Variants in PGAP6 observed in about 807,000 individuals in gnomAD.
PGAP6 encodes the protein post-GPI attachment to proteins 6.
PGAP6 carries 62 observed loss-of-function variants against 68.4 expected under a neutral mutation model. The observed-to-expected ratio is 0.91, with a 90% CI of 0.74 to 1.12. PGAP6 has a LOEUF of 1.12. PGAP6 is among the 50% of genes most tolerant of loss of function. The probability of loss-of-function intolerance (pLI) is 0.00; values close to 1 mark genes in which losing one functional copy is unlikely to be tolerated. For missense variants in PGAP6, 1,188 were observed against 1,068.5 expected, an observed-to-expected ratio of 1.11 and a Z score of -1.56; for synonymous variants, 575 against 474.0, an observed-to-expected ratio of 1.21 and a Z score of -2.77.
At chr16:380,362 TTC>T (rs1026734380) in intron 1 of PGAP6, among the ~76,000 whole-genome samples, 3 of 149,720 alleles carry the variant, frequency 2.0e-5, no homozygotes, top group Non-Finnish European at 4.4e-5. Context: ...TTTTTTTTCT[TTC>T]TGTCTTTCTT....
rs1555491182 is a variant in PGAP6 at position 375,147 on chromosome 16, G to A, written c.1425C>T (p.Cys475=). The A allele has an allele frequency of 3.1e-6, 5 of 1,613,246 alleles. No individual in the cohort carries two copies. Among genetic ancestry groups the A allele is most frequent in the African/African-American group, 1.3e-5 (1 of 74,924 alleles). ...DNWYLSLQLM[C]PENAEDCEQA... ...GGTTTACTTACTCAGCATTCTCAGG[G>A]CACATGAGCTGCAGGGAGAGGTACC... The change falls in exon 8 of 13, where the codon TGC becomes TGT. Residue 475 remains cysteine, a synonymous_variant. Coordinates refer to ENST00000431232, the MANE Select transcript of PGAP6 (RefSeq NM_021259.3).
At chr16:383,964 C>G (rs1040222338), upstream of PGAP6, among the ~76,000 whole-genome samples, 1 of 152,198 alleles carries the variant, frequency 6.6e-6, no homozygotes, top group African/African-American at 2.4e-5. Flanking sequence ...CTTAAAGAGA[C>G]CCTTTGTTTC....
chr16:386,160 C>T (rs2054483725), upstream of PGAP6, among the ~76,000 whole-genome samples: 1 of 151,950 alleles, frequency 6.6e-6, no homozygotes, highest in African/African-American at 2.4e-5. Flanking sequence ...AGCAGCTTTC[C>T]ACAGTCGGTG....
In PGAP6 at chr16:374,853, CA is replaced by C; in HGVS notation, c.1478del (p.Leu493CysfsTer7). 1 of 1,612,998 alleles carries C rather than the reference CA, an allele frequency of 6.2e-7. No homozygotes were observed. The highest frequency in any genetic ancestry group is 8.5e-7 in the Non-Finnish European group (1 of 1,179,966). ...EQAVVHVETT[L>X]YLVPCLNDCG... ...AATCGTTCAAACAGGGCACCAGGTACAAGGTGGTCTCCACGTGGACCACAGC... is the reference window on the plus strand; with the variant it reads ...AATCGTTCAAACAGGGCACCAGGTACAGGTGGTCTCCACGTGGACCACAGC... On this transcript the variant is annotated frameshift_variant, in exon 9 of 13. Coordinates refer to ENST00000431232, the MANE Select transcript of PGAP6 (RefSeq NM_021259.3). LOFTEE classifies it high-confidence loss of function.
intron 1 of PGAP6, among the ~76,000 whole-genome samples, chr16:378,189 C>CACTGCCATCCCCACCCTG (rs2054404340): frequency 1.4e-5 from 2 of 147,092 alleles, no homozygotes; most frequent in South Asian, 4.3e-4. Flanking sequence ...TCCCCACCCG[C>CACTGCCATCCCCACCCTG]ACTGCCATCG....
At chr16:383,336 G>A (rs928593708), upstream of PGAP6, 3 of 152,234 alleles carry the variant, frequency 2.0e-5, no homozygotes, top group East Asian at 1.9e-4. Flanking sequence ...CAGAGGATGT[G>A]GGAGCCTCGT....
rs1425025758 is a variant in PGAP6, at chr16:381,019, G to C, written c.121+682C>G. On this transcript the variant is annotated intron_variant, in intron 1 of 12. Transcript: ENST00000431232. ...ACACCCACGTCCCTACCCCGTGGAA[G>C]GGCTACGCCTTCTCCCTGGTCCAGC... 3.3e-5 allele frequency among the ~76,000 whole-genome samples: 5 copies of C among 152,366 alleles called. No individual in the cohort carries two copies. In the East Asian group the frequency reaches 7.7e-4, roughly 24 times the overall value.
At chr16:386,492 C>A (rs2054485572), upstream of PGAP6, among the ~76,000 whole-genome samples, 1 of 152,090 alleles carries the variant, frequency 6.6e-6, no homozygotes, top group African/African-American at 2.4e-5. Flanking sequence ...TGTGGTCAGG[C>A]AGGAGGAGTG....
chr16:375,074 G>A, intron 8 of PGAP6, 59 bp downstream of exon 8: 1 of 1,599,530 alleles, frequency 6.3e-7, no homozygotes, highest in Non-Finnish European at 8.5e-7. Context: ...AGCCCGGCCT[G>A]TGGTCCTGAG....
At chr16:372,558 G>T in intron 12 of PGAP6, 53 bp downstream of exon 12, 2 of 1,403,850 alleles carry the variant, frequency 1.4e-6, no homozygotes, top group Non-Finnish European at 1.0e-6. Flanking sequence ...CAAGGGGCCA[G>T]GCTCTCTTCT....
intron 1 of PGAP6, among the ~76,000 whole-genome samples, chr16:380,634 G>A (rs1354004636): frequency 6.6e-6 from 1 of 152,214 alleles, no homozygotes; most frequent in Non-Finnish European, 1.5e-5. Flanking sequence ...CCCAAAGTGC[G>A]GGATTGCAGG....
At chr16:386,432 C>T (rs1040584686), upstream of PGAP6, among the ~76,000 whole-genome samples, 1 of 151,938 alleles carries the variant, frequency 6.6e-6, no homozygotes, top group African/African-American at 2.4e-5. Context: ...ACCCTGTCTT[C>T]CCACTCCGCC....
chr16:385,523 G>C (rs953729054), upstream of PGAP6, among the ~76,000 whole-genome samples: 8 of 150,480 alleles, frequency 5.3e-5, no homozygotes, highest in East Asian at 4.0e-4. Flanking sequence ...CTGTTAGCCA[G>C]GATGGTCTCG....
chr16:378,247 GCC>G (rs2054406116), intron 1 of PGAP6, among the ~76,000 whole-genome samples: 6 of 144,656 alleles, frequency 4.1e-5, no homozygotes, highest in African/African-American at 1.1e-4. Context: ...CACCCGCACT[GCC>G]ATCCCCACCC....
upstream of PGAP6, among the ~76,000 whole-genome samples, chr16:386,180 C>T (rs1350981187): frequency 6.6e-6 from 1 of 151,904 alleles, no homozygotes; most frequent in Non-Finnish European, 1.5e-5. Context: ...GTGCTCTTCG[C>T]CCAGCAGCAA....
chr16:376,491 T>A, intron 5 of PGAP6, 36 bp from the exon 6 acceptor site: 1 of 1,544,380 alleles, frequency 6.5e-7, no homozygotes, highest in East Asian at 2.3e-5. Context: ...TGGAGGAAAG[T>A]CTGGGGATCT....
chr16:375,690 C>A (rs1018185678), intron 6 of PGAP6, among the ~76,000 whole-genome samples: 1 of 152,188 alleles, frequency 6.6e-6, no homozygotes, highest in Non-Finnish European at 1.5e-5. Context: ...CGCCACCACG[C>A]CCGGCTAATT....
At position 371,487 on chromosome 16, in the gene PGAP6, G is replaced by A. The variant is rs1360786042; in HGVS notation, c.*500C>T. ...CCCTATGGTGACCACAGCAGCAGAG[G>A]GGGATCCTCCATGCCCCAGGCAGGC... is the stretch of plus-strand genomic sequence containing the variant. On this transcript the variant is annotated 3_prime_UTR_variant, in exon 13 of 13. Coordinates refer to ENST00000431232, the MANE Select transcript of PGAP6 (RefSeq NM_021259.3). 1.1e-4 allele frequency: 18 copies of A among 162,950 alleles called. No individual in the cohort carries two copies. In the South Asian group the frequency reaches 1.3e-3, roughly 12 times the overall value. 10.1% of individuals were successfully genotyped at this position (162,950 alleles called of 1,614,324 possible).
chr16:374,261 A>G lies in PGAP6; in HGVS notation c.1715T>C (p.Val572Ala). 1.2e-6 allele frequency: 2 copies of G among 1,608,106 alleles called. No homozygotes were observed. Among genetic ancestry groups the G allele is most frequent in the Non-Finnish European group, 8.5e-7 (1 of 1,179,316 alleles). ...GGTGTAGGCGTAGACGGAGGCCTCC[A>G]CCAGGAAGAATCGCCGCACTGAGAC... ...IAVSVRRFFL[V>A]EASVYAYTMF... Residue 572 changes from valine (V) to alanine (A), a missense_variant, in exon 10 of 13, where the codon GTG (valine) becomes GCG (alanine). Physicochemically the swap from Val to Ala is moderately conservative, Grantham distance 64 (BLOSUM62 0). Transcript: ENST00000431232.
Sources: allele counts gnomAD v4.1 joint callset (sites outside exome capture counted in the v4.1 genomes callset), GRCh38; gene constraint gnomAD v4.1.1; transcripts MANE v1.5; gene names NCBI Gene and HGNC (gene_info 2026-07-23, HGNC 2026-07-21).